The following RHOU variants were observed in gnomAD, a reference collection of about 807,000 sequenced individuals.
RHOU encodes the protein ras homolog family member U.
RHOU carries 8 observed loss-of-function variants against 12.6 expected under a neutral mutation model. That is an observed-to-expected ratio of 0.64 (90% CI 0.37 to 1.15). RHOU has a LOEUF of 1.15. Ranked by LOEUF, RHOU falls within the 50% of genes most tolerant of loss-of-function variation. The pLI is 0.01. For synonymous variants in RHOU, 161 were observed against 147.4 expected (o/e 1.09, Z -0.67); for missense variants, 258 against 347.0 (o/e 0.74, Z 2.04).
the RHOU span, among the ~76,000 whole-genome samples, chr1:228,678,900 T>G: frequency 1.3e-5 from 2 of 152,112 alleles, no homozygotes; most frequent in African/African-American, 4.8e-5. Context: ...ACATGAGGGC[T>G]AGGCTAAAAC....
At chr1:228,719,964 T>G in the RHOU span, among the ~76,000 whole-genome samples, 1 of 152,164 alleles carries the variant, frequency 6.6e-6, no homozygotes, top group South Asian at 2.1e-4. Context: ...TCGCCGTATC[T>G]TTTAAAAAAG....
chr1:228,710,780 T>C, the RHOU span, among the ~76,000 whole-genome samples: 1 of 151,964 alleles, frequency 6.6e-6, no homozygotes, highest in East Asian at 1.9e-4. Flanking sequence ...TCACCACTCC[T>C]ATTCAACATA....
chr1:228,691,701 T>C, the RHOU span, among the ~76,000 whole-genome samples: 8 of 152,234 alleles, frequency 5.3e-5, no homozygotes, highest in Non-Finnish European at 2.9e-5. Flanking sequence ...AAAGCTTCTA[T>C]GAATATCTAT....
At chr1:228,684,328 C>A in the RHOU span, among the ~76,000 whole-genome samples, 3 of 149,006 alleles carry the variant, frequency 2.0e-5, no homozygotes, top group African/African-American at 7.7e-5. Context: ...TGAGCCACTG[C>A]GCCTGGCCAG....
the RHOU span, among the ~76,000 whole-genome samples, chr1:228,653,829 C>T: frequency 3.9e-5 from 6 of 152,212 alleles, no homozygotes; most frequent in Non-Finnish European, 7.4e-5. Flanking sequence ...AATGATTAGG[C>T]GAAATTTGAT....
the RHOU span, among the ~76,000 whole-genome samples, chr1:228,667,210 G>T: frequency 6.6e-6 from 1 of 152,192 alleles, no homozygotes; most frequent in Non-Finnish European, 1.5e-5. Flanking sequence ...CTGCTCCAGT[G>T]CTGGGATTCA....
the RHOU span, among the ~76,000 whole-genome samples, chr1:228,648,849 T>C: frequency 7.0e-6 from 1 of 143,826 alleles, no homozygotes; most frequent in Non-Finnish European, 1.5e-5. Flanking sequence ...TTTCTTTCTC[T>C]TCCTCTCTCT....
At chr1:228,733,290 T>G (rs1231238006), upstream of RHOU, among the ~76,000 whole-genome samples, 1 of 152,230 alleles carries the variant, frequency 6.6e-6, no homozygotes, top group African/African-American at 2.4e-5. Context: ...CCAAACCTTC[T>G]CTAACAATGT....
At chr1:228,683,902 C>G in the RHOU span, among the ~76,000 whole-genome samples, 1 of 152,210 alleles carries the variant, frequency 6.6e-6, no homozygotes, top group South Asian at 2.1e-4. Flanking sequence ...AGGTGTGCCT[C>G]CATGAGAACC....
At chr1:228,724,337 G>A in the RHOU span, among the ~76,000 whole-genome samples, 1 of 152,072 alleles carries the variant, frequency 6.6e-6, no homozygotes, top group African/African-American at 2.4e-5. Flanking sequence ...ATTTATTCAG[G>A]TATAACTGAT....
the RHOU span, among the ~76,000 whole-genome samples, chr1:228,685,643 A>G: frequency 6.6e-6 from 1 of 152,226 alleles, no homozygotes; most frequent in Non-Finnish European, 1.5e-5. Flanking sequence ...GAAGATAACT[A>G]AAGTATTCAG....
chr1:228,735,947 T>C lies in RHOU; in HGVS notation c.205T>C (p.Tyr69His). The C allele has an allele frequency of 6.3e-7, 1 of 1,579,360 alleles. No homozygotes were observed. The highest frequency in any genetic ancestry group is 1.4e-5 in the African/African-American group (1 of 71,474). The change falls in exon 1 of 3, where the codon TAC (tyrosine) becomes CAC (histidine). Residue 69 changes from tyrosine (Y) to histidine (H), a missense_variant. Transcript: ENST00000366691. The surrounding 1 kb of genome is among the most constrained non-coding windows in gnomAD (Gnocchi z 8.1). Reference protein sequence around the residue: ...AVGKTSLVVSYTTNGYPTEYI... With the variant: ...AVGKTSLVVSHTTNGYPTEYI... ...GGGCAAGACGAGCCTGGTGGTGAGC[T>C]ACACCACCAACGGCTACCCCACCGA...
the RHOU span, among the ~76,000 whole-genome samples, chr1:228,717,190 T>C: frequency 6.6e-6 from 1 of 152,190 alleles, no homozygotes; most frequent in African/African-American, 2.4e-5. Context: ...AACAAAGAAT[T>C]TGAGATCTTT....
At chr1:228,653,376 G>A in the RHOU span, among the ~76,000 whole-genome samples, 5 of 152,262 alleles carry the variant, frequency 3.3e-5, no homozygotes, top group East Asian at 9.7e-4. Context: ...CTGGAGTGCA[G>A]TGGTGCCATC....
At chr1:228,733,425 A>C (rs543686540), upstream of RHOU, among the ~76,000 whole-genome samples, 1 of 152,236 alleles carries the variant, frequency 6.6e-6, no homozygotes, top group South Asian at 2.1e-4. Flanking sequence ...CTCCTACCTC[A>C]GCCTCTGGAG....
the RHOU span, among the ~76,000 whole-genome samples, chr1:228,683,401 G>A: frequency 0.02 from 3,083 of 152,264 alleles, 106 homozygotes; most frequent in African/African-American, 0.07. Context: ...CAAATACATC[G>A]ATGGAGCTTA....
chr1:228,651,341 C>T, the RHOU span: 185 of 162,766 alleles, frequency 1.1e-3, 1 homozygote, highest in East Asian at 9.6e-3. Context: ...AGTCTCAGAG[C>T]TCAGCAGGAG....
Position 228,738,522 on chromosome 1 carries a change from C to T in RHOU, c.321+791C>T, listed in dbSNP as rs1217691467. ...GTATGTTCTAGAGTTCAGCAAAGTT[C>T]CGGGGGTACTTTGTAGGCAGGTGAA... On this transcript the variant is annotated intron_variant, in intron 2 of 2. Coordinates refer to ENST00000366691, the MANE Select transcript of RHOU (RefSeq NM_021205.6). This position sits in a 1 kb window ranked among gnomAD's most constrained non-coding sequence, Gnocchi z 4.2. Among the ~76,000 whole-genome samples the T allele has an allele frequency of 6.6e-6, 1 of 152,180 alleles. No homozygotes were observed. The highest frequency in any genetic ancestry group is 2.4e-5 in the African/African-American group (1 of 41,442).
chr1:228,741,482 T>C (rs1662719898), intron 2 of RHOU, among the ~76,000 whole-genome samples: 1 of 152,062 alleles, frequency 6.6e-6, no homozygotes, highest in Non-Finnish European at 1.5e-5. Flanking sequence ...TGGCCAGGGG[T>C]GCAGCTACCT....
Sources: allele counts gnomAD v4.1 joint callset (sites outside exome capture counted in the v4.1 genomes callset), GRCh38; gene constraint gnomAD v4.1.1; non-coding constraint Gnocchi (gnomAD v3.1); transcripts MANE v1.5; gene names NCBI Gene and HGNC (gene_info 2026-07-23, HGNC 2026-07-21).